FSTL4: variants seen among roughly 807,000 people sequenced by gnomAD.
FSTL4 encodes follistatin-related protein 4.
Under a neutral mutation model 78.2 loss-of-function variants are expected in FSTL4, and 28 were observed. That is an observed-to-expected ratio of 0.36 (90% CI 0.27 to 0.49). FSTL4 has a LOEUF of 0.49. FSTL4 is among the 20% of genes least tolerant of loss of function. FSTL4 has a pLI of 0.98. For synonymous variants in FSTL4, 422 were observed against 440.5 expected, an observed-to-expected ratio of 0.96 and a Z score of 0.53; for missense variants, 922 against 1,084.9, an observed-to-expected ratio of 0.85 and a Z score of 2.11.
intron 4 of FSTL4, among the ~76,000 whole-genome samples, chr5:133,396,651 T>C (rs577989296): frequency 7.2e-5 from 11 of 152,262 alleles, no homozygotes; most frequent in Non-Finnish European, 1.6e-4. Flanking sequence ...GAAATGCCCC[T>C]GGAGGTGTGG....
chr5:133,219,964 A>T (rs1398507908), intron 12 of FSTL4, among the ~76,000 whole-genome samples: 1 of 152,388 alleles, frequency 6.6e-6, no homozygotes, highest in Admixed American at 6.5e-5. Flanking sequence ...CAGCCTGGAA[A>T]ACAGCTTTTC....
chr5:133,665,276 A>C, the FSTL4 span, among the ~76,000 whole-genome samples: 1 of 152,180 alleles, frequency 6.6e-6, no homozygotes, highest in African/African-American at 2.4e-5. Flanking sequence ...TCTTATTCTC[A>C]TCAGGTTTCA....
At chr5:133,714,547 T>G in the FSTL4 span, among the ~76,000 whole-genome samples, 1 of 152,264 alleles carries the variant, frequency 6.6e-6, no homozygotes, top group African/African-American at 2.4e-5. Flanking sequence ...TTGCTGCGTC[T>G]TCACTTCACA....
At chr5:133,204,480 C>T (rs1276867838) in intron 14 of FSTL4, among the ~76,000 whole-genome samples, 2 of 152,178 alleles carry the variant, frequency 1.3e-5, no homozygotes, top group Non-Finnish European at 2.9e-5. Flanking sequence ...TTTTTGTCCA[C>T]ATCCATGATT....
chr5:133,475,710 C>A (rs528896646), intron 3 of FSTL4, among the ~76,000 whole-genome samples: 1 of 152,190 alleles, frequency 6.6e-6, no homozygotes, highest in African/African-American at 2.4e-5. Flanking sequence ...ATAGGCAAGT[C>A]GGAATTATCG....
intron 3 of FSTL4, among the ~76,000 whole-genome samples, chr5:133,442,194 T>C (rs1397159087): frequency 6.6e-6 from 1 of 152,228 alleles, no homozygotes; most frequent in Non-Finnish European, 1.5e-5. Context: ...AAGGATAAAC[T>C]ACTCAGTGGT....
chr5:133,250,551 C>G (rs1222226836), intron 6 of FSTL4, among the ~76,000 whole-genome samples: 1 of 152,204 alleles, frequency 6.6e-6, no homozygotes, highest in Non-Finnish European at 1.5e-5. Flanking sequence ...CCTGGGGGAC[C>G]CCAACAGATG....
At chr5:133,498,593 C>G (rs1758420050) in intron 3 of FSTL4, among the ~76,000 whole-genome samples, 1 of 151,992 alleles carries the variant, frequency 6.6e-6, no homozygotes, top group Non-Finnish European at 1.5e-5. Context: ...TGGCACACAC[C>G]TGCAATCTCA....
At chr5:133,841,403 G>A in the FSTL4 span, among the ~76,000 whole-genome samples, 1 of 152,342 alleles carries the variant, frequency 6.6e-6, no homozygotes, top group African/African-American at 2.4e-5. Flanking sequence ...CCAAACTCTT[G>A]CAGAAAGAAC....
chr5:133,341,775 T>C (rs1306352211), intron 4 of FSTL4, among the ~76,000 whole-genome samples: 1 of 152,236 alleles, frequency 6.6e-6, no homozygotes, highest in African/African-American at 2.4e-5. Flanking sequence ...TTATAAGCTA[T>C]GTGACCTCTG....
intron 4 of FSTL4, among the ~76,000 whole-genome samples, chr5:133,380,289 C>T (rs1755537332): frequency 1.3e-5 from 2 of 150,814 alleles, no homozygotes; most frequent in African/African-American, 4.9e-5. Flanking sequence ...ATTGACAAAA[C>T]CTTTAGCTAG....
At chr5:133,449,962 G>C (rs1166740511) in intron 3 of FSTL4, among the ~76,000 whole-genome samples, 1 of 152,184 alleles carries the variant, frequency 6.6e-6, no homozygotes, top group Non-Finnish European at 1.5e-5. Flanking sequence ...CAGTTGTCTA[G>C]CAGAAGTTAC....
At chr5:133,634,278 C>A in the FSTL4 span, among the ~76,000 whole-genome samples, 2 of 152,018 alleles carry the variant, frequency 1.3e-5, no homozygotes, top group African/African-American at 4.8e-5. Flanking sequence ...GGTCACAGGT[C>A]TTTCTGGGAT....
At chr5:133,229,732 C>T (rs1177929953) in intron 8 of FSTL4, among the ~76,000 whole-genome samples, 1 of 152,166 alleles carries the variant, frequency 6.6e-6, no homozygotes, top group Non-Finnish European at 1.5e-5. Flanking sequence ...CTGAGTGTGG[C>T]ACCGCCTTAA....
chr5:133,659,432 A>T, the FSTL4 span, among the ~76,000 whole-genome samples: 2 of 151,928 alleles, frequency 1.3e-5, no homozygotes, highest in Non-Finnish European at 2.9e-5. Flanking sequence ...TTTCTGGTAT[A>T]TCTTTTCCTA....
intron 3 of FSTL4, among the ~76,000 whole-genome samples, chr5:133,411,371 A>C (rs6888605): frequency 0.086 from 13,081 of 152,210 alleles, 683 homozygotes; most frequent in Admixed American, 0.16. Context: ...TTTTGAGCCA[A>C]CAAGAAAATC....
the FSTL4 span, among the ~76,000 whole-genome samples, chr5:133,748,994 AC>A: frequency 1.3e-5 from 2 of 151,992 alleles, no homozygotes; most frequent in Non-Finnish European, 2.9e-5. Context: ...ACATATACCC[AC>A]CCTCTCAAGG....
At chr5:133,343,602 A>G (rs940506644) in intron 4 of FSTL4, among the ~76,000 whole-genome samples, 1 of 152,240 alleles carries the variant, frequency 6.6e-6, no homozygotes, top group Non-Finnish European at 1.5e-5. Flanking sequence ...CTCTGACCTT[A>G]TAATTGAAAA....
the FSTL4 span, among the ~76,000 whole-genome samples, chr5:133,714,025 A>G: frequency 6.6e-6 from 1 of 151,988 alleles, no homozygotes; most frequent in East Asian, 1.9e-4. Context: ...CAGGAGGGAG[A>G]CCCTTGCTTT....
Sources: gnomAD v4.1 joint callset for allele counts (sites outside exome capture counted in the v4.1 genomes callset) on GRCh38, gnomAD v4.1.1 for gene constraint, MANE v1.5 for transcripts, NCBI Gene and HGNC (gene_info 2026-07-23, HGNC 2026-07-21) for gene names.